SOCS4: variants seen among roughly 807,000 people sequenced by gnomAD.
The protein encoded by SOCS4 is suppressor of cytokine signaling 4, also known as SH2 domain containing SOCS box protein.
In SOCS4, 20 loss-of-function variants were observed where a neutral mutation model predicts 34.1. That is an observed-to-expected ratio of 0.59 (90% confidence interval 0.41 to 0.85). SOCS4 has a LOEUF of 0.85. SOCS4 is among the 40% of genes least tolerant of loss of function. The pLI is 0.00. For synonymous variants in SOCS4, 180 were observed against 186.4 expected (o/e 0.97, Z 0.28); for missense variants, 479 against 532.4 (o/e 0.90, Z 0.99).
At chr14:55,028,164 C>A (rs2042487518) in intron 1 of SOCS4, among the ~76,000 whole-genome samples, 1 of 151,890 alleles carries the variant, frequency 6.6e-6, no homozygotes, top group Non-Finnish European at 1.5e-5. Context: ...TTGTTTTTTT[C>A]AATCTAGTTC....
At chr14:55,039,961 A>C (rs2042603588) in intron 2 of SOCS4, among the ~76,000 whole-genome samples, 1 of 152,204 alleles carries the variant, frequency 6.6e-6, no homozygotes, top group Non-Finnish European at 1.5e-5. Context: ...TGAAGGAAGA[A>C]ATGCCACAAT....
chr14:55,030,724 G>A lies in SOCS4; in HGVS notation c.-219-1139G>A, dbSNP rs143935383. On this transcript the variant is annotated intron_variant, in intron 1 of 2. Coordinates refer to ENST00000555846, the MANE Select transcript of SOCS4 (RefSeq NM_199421.2). ...GCATTATCCAGATTTTACAGTGGGA[G>A]AACTTAAGCTAAATTAGATTTTTTT... 1.2e-3 allele frequency among the ~76,000 whole-genome samples: 187 copies of A among 152,256 alleles called. 4 individuals are homozygous for A. The Middle Eastern group carries it at 0.014, about 11-fold the overall frequency.
In SOCS4 at chr14:55,040,992, T is replaced by C. The variant is rs1321323027; in HGVS notation, c.-90-1960T>C. On this transcript the variant is annotated intron_variant, in intron 2 of 2. Transcript: ENST00000555846. The stretch of plus-strand genomic sequence containing the variant: ...CTGCAACCTCTGCCTCCCAGGCTCA[T>C]ATGATCCTCCCAGGCTCCTGTGTAG... Among the ~76,000 whole-genome samples the C allele has an allele frequency of 4.0e-5, 6 of 150,774 alleles. 1 individual carries two copies. In the East Asian group the frequency reaches 8.1e-4, roughly 20 times the overall value.
At chr14:55,032,941 C>A (rs979297463) in intron 2 of SOCS4, among the ~76,000 whole-genome samples, 1 of 152,112 alleles carries the variant, frequency 6.6e-6, no homozygotes, top group Admixed American at 6.5e-5. Flanking sequence ...TGCCACCACA[C>A]CCGGCTAATT....
In SOCS4 at chr14:55,044,384, G is replaced by A; in HGVS notation, c.*20G>A. 6.9e-7 allele frequency: 1 copy of A among 1,449,092 alleles called. No homozygotes were observed. The highest frequency in any genetic ancestry group is 9.1e-7 in the Non-Finnish European group (1 of 1,095,284). The allele number at this position is 1,449,092 out of a possible 1,614,324, so 89.8% of individuals were successfully genotyped here. A position where few individuals can be genotyped will look rare whatever the true frequency, so the allele number is the denominator to read the frequency against. On this transcript the variant is annotated 3_prime_UTR_variant, in exon 3 of 3. Coordinates refer to ENST00000555846, the MANE Select transcript of SOCS4 (RefSeq NM_199421.2). The stretch of plus-strand genomic sequence containing the variant: ...TGCTAGTAACAGGATGGGAACATGG[G>A]AATGATAATATATATTTTTTCTTTT...
chr14:55,042,095 A>G (rs1343476963), intron 2 of SOCS4, among the ~76,000 whole-genome samples: 1 of 152,022 alleles, frequency 6.6e-6, no homozygotes, highest in Non-Finnish European at 1.5e-5. Context: ...GCAACCCTAA[A>G]TCTTATTCTG....
intron 1 of SOCS4, among the ~76,000 whole-genome samples, chr14:55,030,248 G>A (rs1343950252): frequency 1.3e-5 from 2 of 152,126 alleles, no homozygotes; most frequent in East Asian, 3.8e-4. Context: ...ATATGTAATT[G>A]TTATAAAGCA....
At chr14:55,039,421 G>C (rs973306489) in intron 2 of SOCS4, among the ~76,000 whole-genome samples, 1 of 152,168 alleles carries the variant, frequency 6.6e-6, no homozygotes, top group African/African-American at 2.4e-5. Flanking sequence ...CTGGGCGATA[G>C]AGACCCTGTC....
At chr14:55,034,886 A>T in intron 2 of SOCS4, among the ~76,000 whole-genome samples, 1 of 146,392 alleles carries the variant, frequency 6.8e-6, no homozygotes, top group Non-Finnish European at 1.5e-5. Flanking sequence ...CTTGACATGG[A>T]ATCTTGCTCT....
In SOCS4 at chr14:55,043,532, C is replaced by G; in HGVS notation, c.491C>G (p.Thr164Arg). The G allele has an allele frequency of 6.2e-7, 1 of 1,614,122 alleles. No homozygotes were observed. Among genetic ancestry groups the G allele is most frequent in the South Asian group, 1.1e-5 (1 of 91,078 alleles). Residue 164 changes from threonine to arginine, a missense_variant, in exon 3 of 3, where the codon ACA becomes AGA. Thr to Arg is a moderately conservative substitution (Grantham distance 71, BLOSUM62 -1). Coordinates refer to ENST00000555846, the MANE Select transcript of SOCS4 (RefSeq NM_199421.2). ...INSKSDEWVS[T>R]DLSQTELRDG... ...TCCAAATCAGATGAATGGGTAAGCA[C>G]AGACTTGTCTCAGACTGAATTGAGG...
rs370847600 is a variant in SOCS4, at chr14:55,044,263, G to A, written c.1222G>A (p.Ala408Thr). 75 of 1,613,868 alleles carry A rather than the reference G, an allele frequency of 4.6e-5. No homozygotes were observed. The highest frequency in any genetic ancestry group is 2.7e-4 in the Admixed American group (16 of 59,990). ...CTGTACAACTTATGATGGCATCGATGCCCTTCCAATTCCTTCTTCTATGAA... is the reference window on the plus strand; with the variant it reads ...CTGTACAACTTATGATGGCATCGATACCCTTCCAATTCCTTCTTCTATGAA... Reference protein sequence around the residue: ...CNCTTYDGIDALPIPSSMKLY... With the variant: ...CNCTTYDGIDTLPIPSSMKLY... Residue 408 changes from alanine (A) to threonine (T), a missense_variant, in exon 3 of 3, where the codon GCC (alanine) becomes ACC (threonine). Ala to Thr is a moderately conservative substitution (Grantham distance 58). Transcript: ENST00000555846.
rs914059940 is a variant in SOCS4, at chr14:55,043,188, T to C, written c.147T>C (p.Ala49=). ...AAAAGAGTGAGAGTTATTCAGATGC[T>C]GAGACAGTGAATGGTATAGAGAAAA... ...WSKKSESYSD[A]ETVNGIEKTE... The change falls in exon 3 of 3, where the codon GCT becomes GCC. Residue 49 remains alanine, a synonymous_variant. Coordinates refer to ENST00000555846, the MANE Select transcript of SOCS4 (RefSeq NM_199421.2). 10 of 1,614,242 alleles carry C rather than the reference T, an allele frequency of 6.2e-6. No individual in the cohort carries two copies. In the East Asian group the frequency reaches 2.2e-4, roughly 36 times the overall value.
rs114281665 is a variant in SOCS4 at position 55,039,627 on chromosome 14, C to T, written c.-90-3325C>T. Reference sequence around the variant, plus strand: ...CACAGGTAGAGGCCAGGCGCGATGGCGCATGCCTGTAATCCCACCACTTTA... The same window carrying T: ...CACAGGTAGAGGCCAGGCGCGATGGTGCATGCCTGTAATCCCACCACTTTA... On this transcript the variant is annotated intron_variant, in intron 2 of 2. Transcript: ENST00000555846. Among the ~76,000 whole-genome samples the T allele has an allele frequency of 9.9e-3, 1,514 of 152,316 alleles. 23 individuals carry two copies. The highest frequency in any genetic ancestry group is 0.035 in the African/African-American group (1,451 of 41,564).
chr14:55,042,860 T>G, intron 2 of SOCS4, 92 bp from the exon 3 acceptor site: 2 of 568,082 alleles, frequency 3.5e-6, no homozygotes, highest in South Asian at 4.8e-5. Flanking sequence ...GTACTAACTG[T>G]GCTTTTCCCT....
chr14:55,042,026 G>A (rs1409741988), intron 2 of SOCS4, among the ~76,000 whole-genome samples: 1 of 151,832 alleles, frequency 6.6e-6, no homozygotes, highest in Admixed American at 6.6e-5. Flanking sequence ...ATGAACTCCT[G>A]ACCTCAGGTA....
At chr14:55,030,224 C>A (rs1485286884) in intron 1 of SOCS4, among the ~76,000 whole-genome samples, 1 of 152,050 alleles carries the variant, frequency 6.6e-6, no homozygotes, top group African/African-American at 2.4e-5. Context: ...TGTTACCCAA[C>A]CTTAAATGTA....
chr14:55,027,337 A>C lies in SOCS4; in HGVS notation c.-354A>C. On this transcript the variant is annotated 5_prime_UTR_variant, in exon 1 of 3. Coordinates refer to ENST00000555846, the MANE Select transcript of SOCS4 (RefSeq NM_199421.2). The stretch of plus-strand genomic sequence containing the variant: ...GCGGGGTTGGGGGTGGCAGAAAAGC[A>C]TCTGCTTTGTAAGACCTACACGAGG... 1 of 173,808 alleles carries C rather than the reference A, an allele frequency of 5.8e-6. No homozygotes were observed. The highest frequency in any genetic ancestry group is 1.2e-5 in the Non-Finnish European group (1 of 80,008). 10.8% of individuals were successfully genotyped at this position (173,808 alleles called of 1,614,324 possible).
intron 2 of SOCS4, among the ~76,000 whole-genome samples, chr14:55,042,041 G>A (rs1197041239): frequency 6.6e-6 from 1 of 151,710 alleles, no homozygotes; most frequent in Non-Finnish European, 1.5e-5. Context: ...CAGGTAATCC[G>A]CCTGCCTCAG....
chr14:55,032,914 C>G (rs1390666031), intron 2 of SOCS4, among the ~76,000 whole-genome samples: 2 of 152,108 alleles, frequency 1.3e-5, no homozygotes, highest in African/African-American at 4.8e-5. Flanking sequence ...TCCCGAGTAG[C>G]TGGGACTAGA....
Sources: gnomAD v4.1 joint callset for allele counts (sites outside exome capture counted in the v4.1 genomes callset) on GRCh38, gnomAD v4.1.1 for gene constraint, MANE v1.5 for transcripts, NCBI Gene and HGNC (gene_info 2026-07-23, HGNC 2026-07-21) for gene names.